The following MTUS2 variants were observed in gnomAD, a reference collection of about 807,000 sequenced individuals.
MTUS2 encodes microtubule-associated tumor suppressor candidate 2.
A neutral mutation model predicts 114.1 loss-of-function variants in MTUS2; 40 were observed. The ratio of observed to expected loss-of-function variants is 0.35; its 90% CI spans 0.27 to 0.46. MTUS2 has a LOEUF of 0.46. Among genes scored for constraint, MTUS2 ranks in the 20% least tolerant of loss-of-function variants. MTUS2 has a pLI of 1.00. For synonymous variants in MTUS2, 688 were observed against 672.0 expected, an observed-to-expected ratio of 1.02 and a Z score of -0.37; for missense variants, 1,679 against 1,705.4, an observed-to-expected ratio of 0.98 and a Z score of 0.27.
chr13:29,003,263 TACTATCATTGTTCCCATTTTACAGA>T (rs144805048), intron 2 of MTUS2, among the ~76,000 whole-genome samples: 2,695 of 152,326 alleles, frequency 0.018, 83 homozygotes, highest in African/African-American at 0.061. Context: ...CTGAGTAAAG[TACTATCATTGTTCCCATTTTACAGA>T]TGGCAGAACT....
At chr13:29,124,406 A>T (rs1302128227) in intron 5 of MTUS2, among the ~76,000 whole-genome samples, 1 of 152,032 alleles carries the variant, frequency 6.6e-6, no homozygotes, top group Non-Finnish European at 1.5e-5. Flanking sequence ...GTTGGCTACT[A>T]TTTTTTTTAA....
rs370592458 is a variant in MTUS2, at chr13:29,405,327, C to T, written c.3118-34656C>T. Among the ~76,000 whole-genome samples, 86 of 152,322 alleles carry T rather than the reference C, an allele frequency of 5.6e-4. 1 individual carries two copies. Among genetic ancestry groups the T allele is most frequent in the South Asian group, 2.5e-3 (12 of 4,828 alleles). On this transcript the variant is annotated intron_variant, in intron 8 of 15. Coordinates refer to ENST00000612955, the MANE Select transcript of MTUS2 (RefSeq NM_001033602.4). ...TTACCAGAAACTAAACAGCATTCTT[C>T]AACTTTCAATCATATTGACAACCTG...
rs984216751 is a variant in MTUS2 at position 29,161,553 on chromosome 13, A to G, written c.2644+60583A>G. ...TTCGACTCTTTTCTTGCAAGATAAA[A>G]TTAATAACTTGCTCCCCGCAAGATA... On this transcript the variant is annotated intron_variant, in intron 5 of 15. Transcript: ENST00000612955. 7.2e-5 allele frequency among the ~76,000 whole-genome samples: 11 copies of G among 152,194 alleles called. No homozygotes were observed. The East Asian group carries it at 1.9e-3, about 27-fold the overall frequency.
intron 2 of MTUS2, among the ~76,000 whole-genome samples, chr13:28,879,288 T>C (rs974665349): frequency 6.6e-6 from 1 of 152,208 alleles, no homozygotes; most frequent in African/African-American, 2.4e-5. Context: ...CTGTTGATAG[T>C]TTCAAAAAAG....
chr13:29,243,193 A>G (rs950343646), intron 5 of MTUS2, among the ~76,000 whole-genome samples: 6 of 152,208 alleles, frequency 3.9e-5, no homozygotes, highest in Admixed American at 3.3e-4. Context: ...AGTCACAAGA[A>G]AGGATGCCAC....
chr13:28,956,118 C>T (rs892211665), intron 2 of MTUS2, among the ~76,000 whole-genome samples: 1 of 148,798 alleles, frequency 6.7e-6, no homozygotes, highest in African/African-American at 2.5e-5. Context: ...CCTTTGCGTC[C>T]TCATAGCTTA....
intron 2 of MTUS2, among the ~76,000 whole-genome samples, chr13:28,898,667 A>G (rs1341769441): frequency 6.6e-6 from 1 of 152,252 alleles, no homozygotes; most frequent in Non-Finnish European, 1.5e-5. Flanking sequence ...CAATTACACC[A>G]GAACTTTCTC....
intron 5 of MTUS2, among the ~76,000 whole-genome samples, chr13:29,205,225 G>A (rs1232526720): frequency 2.6e-5 from 4 of 152,140 alleles, no homozygotes; most frequent in Admixed American, 2.6e-4. Flanking sequence ...ATTCTTCTAG[G>A]ATGGATGATA....
Position 29,326,469 on chromosome 13 carries a change from A to G in MTUS2, c.2905+1758A>G, listed in dbSNP as rs368961420. On this transcript the variant is annotated intron_variant, in intron 7 of 15. Coordinates refer to ENST00000612955, the MANE Select transcript of MTUS2 (RefSeq NM_001033602.4). ...TCTGTTAAAATTTCTAAGATGAGCA[A>G]TAAAATACATATATATTGTTCTGAA... Among the ~76,000 whole-genome samples, 5 of 152,266 alleles carry G rather than the reference A, an allele frequency of 3.3e-5. No individual in the cohort carries two copies. The East Asian group carries it at 5.8e-4, about 18-fold the overall frequency.
chr13:29,017,222 C>G (rs1416753140), intron 2 of MTUS2, among the ~76,000 whole-genome samples: 1 of 152,068 alleles, frequency 6.6e-6, no homozygotes, highest in Non-Finnish European at 1.5e-5. Context: ...GATTTTTTTG[C>G]ATTGTTATAT....
At chr13:29,364,499 G>T (rs1252585517) in intron 8 of MTUS2, among the ~76,000 whole-genome samples, 1 of 152,188 alleles carries the variant, frequency 6.6e-6, no homozygotes, top group African/African-American at 2.4e-5. Context: ...AGTGAAGCTG[G>T]CCCCAGCTCA....
At chr13:29,104,392 A>G (rs1193701726) in intron 5 of MTUS2, among the ~76,000 whole-genome samples, 1 of 152,036 alleles carries the variant, frequency 6.6e-6, no homozygotes, top group Non-Finnish European at 1.5e-5. Flanking sequence ...AGATATATGC[A>G]TGATTTGAAT....
intron 5 of MTUS2, among the ~76,000 whole-genome samples, chr13:29,185,816 A>G (rs1450149332): frequency 6.6e-6 from 1 of 152,244 alleles, no homozygotes; most frequent in African/African-American, 2.4e-5. Context: ...TAATATAACT[A>G]GAAGATATCT....
chr13:29,447,608 C>G (rs1015732790), intron 9 of MTUS2, among the ~76,000 whole-genome samples: 3 of 143,624 alleles, frequency 2.1e-5, no homozygotes, highest in Non-Finnish European at 4.5e-5. Flanking sequence ...ACTGTTGTCT[C>G]CATTTTTTTT....
At chr13:29,321,575 G>A (rs1376172091) in intron 6 of MTUS2, among the ~76,000 whole-genome samples, 1 of 152,178 alleles carries the variant, frequency 6.6e-6, no homozygotes, top group Non-Finnish European at 1.5e-5. Flanking sequence ...TTCGATTTGA[G>A]TTATTCCTAT....
At chr13:29,477,305 C>T (rs190112752) in intron 9 of MTUS2, among the ~76,000 whole-genome samples, 255 of 152,304 alleles carry the variant, frequency 1.7e-3, no homozygotes, top group Non-Finnish European at 3.0e-3. Context: ...TCAGGATAAA[C>T]CTATCTTTAT....
intron 2 of MTUS2, among the ~76,000 whole-genome samples, chr13:28,994,781 AT>A: frequency 6.6e-6 from 1 of 151,958 alleles, no homozygotes; most frequent in East Asian, 1.9e-4. Context: ...GTTTGAGTTC[AT>A]TGTAGATTCT....
chr13:29,348,890 A>G (rs1868979391), intron 7 of MTUS2, among the ~76,000 whole-genome samples: 3 of 152,178 alleles, frequency 2.0e-5, no homozygotes, highest in Admixed American at 6.5e-5. Flanking sequence ...TAGTTTCAGC[A>G]TGGTATAATC....
chr13:29,400,229 G>A (rs1874219904), intron 8 of MTUS2, among the ~76,000 whole-genome samples: 1 of 152,168 alleles, frequency 6.6e-6, no homozygotes, highest in Non-Finnish European at 1.5e-5. Context: ...ATCTCAGAAA[G>A]GTCTGAGATA....
Sources: gnomAD v4.1 joint callset for allele counts (sites outside exome capture counted in the v4.1 genomes callset) on GRCh38, gnomAD v4.1.1 for gene constraint, MANE v1.5 for transcripts, NCBI Gene and HGNC (gene_info 2026-07-23, HGNC 2026-07-21) for gene names.